Variants in CYP2C19 observed in about 807,000 individuals in gnomAD.
The protein encoded by CYP2C19 is cytochrome P450 2C19.
A neutral mutation model predicts 40.9 loss-of-function variants in CYP2C19; 59 were observed. The observed-to-expected ratio is 1.44, with a 90% CI of 1.17 to 1.79. The LOEUF (loss-of-function observed/expected upper bound fraction) is 1.79. CYP2C19 is among the 40% of genes most tolerant of loss of function. The probability of loss-of-function intolerance (pLI) is 0.00; values close to 1 mark genes in which losing one functional copy is unlikely to be tolerated. For missense variants in CYP2C19, 754 were observed against 596.9 expected, an observed-to-expected ratio of 1.26 and a Z score of -2.74; for synonymous variants, 253 against 208.7, an observed-to-expected ratio of 1.21 and a Z score of -1.83.
intron 6 of CYP2C19, among the ~76,000 whole-genome samples, chr10:94,824,216 T>C (rs1332127294): frequency 6.6e-6 from 1 of 152,188 alleles, no homozygotes; most frequent in Non-Finnish European, 1.5e-5. Flanking sequence ...ATCATAAAAA[T>C]TGTCATCTAA....
At chr10:94,852,287 GA>G (rs1475065458) in intron 8 of CYP2C19, among the ~76,000 whole-genome samples, 1 of 152,088 alleles carries the variant, frequency 6.6e-6, no homozygotes, top group Non-Finnish European at 1.5e-5. Context: ...TACTTAGCGG[GA>G]AAAAAATCTT....
chr10:94,818,833 C>T (rs1192006299), intron 5 of CYP2C19, among the ~76,000 whole-genome samples: 1 of 151,654 alleles, frequency 6.6e-6, no homozygotes, highest in Non-Finnish European at 1.5e-5. Flanking sequence ...ATGTCGTCTG[C>T]AAACAGGGAC....
At chr10:94,835,636 G>T (rs949700534) in intron 6 of CYP2C19, among the ~76,000 whole-genome samples, 5 of 151,716 alleles carry the variant, frequency 3.3e-5, no homozygotes, top group Non-Finnish European at 5.9e-5. Flanking sequence ...ACCTCTTTAG[G>T]TTTCTGTACA....
intron 6 of CYP2C19, among the ~76,000 whole-genome samples, chr10:94,837,927 T>C (rs1303373262): frequency 6.6e-6 from 1 of 152,198 alleles, no homozygotes; most frequent in Non-Finnish European, 1.5e-5. Flanking sequence ...AGCTTACTTC[T>C]ACTTGGACAA....
At chr10:94,805,870 A>C (rs1300114642) in intron 5 of CYP2C19, among the ~76,000 whole-genome samples, 1 of 152,206 alleles carries the variant, frequency 6.6e-6, no homozygotes, top group Non-Finnish European at 1.5e-5. Flanking sequence ...GGTCTTTGTC[A>C]GTCTTATGTG....
chr10:94,796,924 A>G (rs1848697189), intron 5 of CYP2C19, among the ~76,000 whole-genome samples: 1 of 152,146 alleles, frequency 6.6e-6, no homozygotes, highest in African/African-American at 2.4e-5. Flanking sequence ...TTACACAATC[A>G]TGTCATCTGC....
intron 7 of CYP2C19, among the ~76,000 whole-genome samples, chr10:94,847,022 C>T (rs1008413739): frequency 1.3e-5 from 2 of 151,994 alleles, no homozygotes; most frequent in African/African-American, 2.4e-5. Flanking sequence ...TGAATAGACA[C>T]TCTGGCCATT....
intron 5 of CYP2C19, 29 bp from the exon 6 acceptor site, chr10:94,820,467 G>A: frequency 3.1e-6 from 5 of 1,612,678 alleles, no homozygotes; most frequent in Non-Finnish European, 4.2e-6. Context: ...TAAATAATTT[G>A]TCAGATAATT....
chr10:94,787,577 G>C (rs1848559049), intron 5 of CYP2C19, among the ~76,000 whole-genome samples: 1 of 152,022 alleles, frequency 6.6e-6, no homozygotes. Flanking sequence ...GCAAAAGCCT[G>C]TATCCAGAAT....
chr10:94,813,169 C>A (rs559021832), intron 5 of CYP2C19, among the ~76,000 whole-genome samples: 2 of 152,172 alleles, frequency 1.3e-5, no homozygotes, highest in South Asian at 2.1e-4. Flanking sequence ...CCACTCCAAA[C>A]CTTGTTTGAC....
Position 94,852,986 on chromosome 10 carries a change from T to A in CYP2C19, c.*72T>A, listed in dbSNP as rs940942188. On this transcript the variant is annotated 3_prime_UTR_variant, in exon 9 of 9. Transcript: ENST00000371321. ...CTTTCCTCTGGTCCAAATTTCACTA[T>A]CTGTGATGCTTCTTCTGACCCGTCA... The A allele has an allele frequency of 8.1e-5, 120 of 1,477,972 alleles. No homozygotes were observed. Among genetic ancestry groups the A allele is most frequent in the Non-Finnish European group, 1.0e-4 (112 of 1,067,642 alleles). The allele number at this position is 1,477,972 out of a possible 1,614,324, so 91.6% of individuals were successfully genotyped here. A position where few individuals can be genotyped will look rare whatever the true frequency, so the allele number is the denominator to read the frequency against.
chr10:94,836,858 T>A lies in CYP2C19; in HGVS notation c.962-5979T>A, dbSNP rs143690225. 2.7e-3 allele frequency among the ~76,000 whole-genome samples: 416 copies of A among 152,292 alleles called. 3 individuals carry two copies. The highest frequency in any genetic ancestry group is 9.8e-3 in the African/African-American group (407 of 41,554). ...TGAACAGGCAGCTAAAAGTAAATCA[T>A]CCACGTACTGAAGGACAAGAGTGTC... On this transcript the variant is annotated intron_variant, in intron 6 of 8. Transcript: ENST00000371321.
intron 5 of CYP2C19, among the ~76,000 whole-genome samples, chr10:94,809,915 C>G (rs994613571): frequency 3.3e-5 from 5 of 151,810 alleles, no homozygotes; most frequent in African/African-American, 1.2e-4. Context: ...AGAGTCTTGC[C>G]CTGTCACCCA....
intron 5 of CYP2C19, among the ~76,000 whole-genome samples, chr10:94,798,747 C>T (rs1039064278): frequency 9.3e-5 from 14 of 150,572 alleles, no homozygotes; most frequent in Admixed American, 9.3e-4. Flanking sequence ...TATGTAATGG[C>T]CTTTGTCTGT....
In CYP2C19 at chr10:94,783,500, A is replaced by C. The variant is rs149235482; in HGVS notation, c.819+1503A>C. On this transcript the variant is annotated intron_variant, in intron 5 of 8. Coordinates refer to ENST00000371321, the MANE Select transcript of CYP2C19 (RefSeq NM_000769.4). ...ATTTGGTATCTATCAGATACCGTGT[A>C]AACATCACCTCTTTTGTCATTGCAC... Among the ~76,000 whole-genome samples, 473 of 152,266 alleles carry C rather than the reference A, an allele frequency of 3.1e-3. 3 individuals are homozygous for C. The highest frequency in any genetic ancestry group is 0.011 in the African/African-American group (450 of 41,576).
intron 5 of CYP2C19, among the ~76,000 whole-genome samples, chr10:94,797,679 A>G (rs972110403): frequency 3.3e-5 from 5 of 151,842 alleles, no homozygotes; most frequent in African/African-American, 4.8e-5. Context: ...CCTGTTATTA[A>G]TCTATTCAGA....
chr10:94,837,117 A>T (rs1462453187), intron 6 of CYP2C19, among the ~76,000 whole-genome samples: 2 of 152,194 alleles, frequency 1.3e-5, no homozygotes, highest in Non-Finnish European at 2.9e-5. Flanking sequence ...AGCAGAGTAT[A>T]AGGGCTGGGT....
In CYP2C19 at chr10:94,766,022, C is replaced by T. The variant is rs572110881; in HGVS notation, c.168+3149C>T. Among the ~76,000 whole-genome samples, 296 of 152,156 alleles carry T rather than the reference C, an allele frequency of 1.9e-3. 2 individuals carry two copies. The highest frequency in any genetic ancestry group is 2.9e-3 in the Non-Finnish European group (200 of 68,004). ...GTAAGAATGTAAAAGTTGGATTGCACGTCCTGTTAGGGTATTCTTGGTCCT... is the reference window on the plus strand; with the variant it reads ...GTAAGAATGTAAAAGTTGGATTGCATGTCCTGTTAGGGTATTCTTGGTCCT... On this transcript the variant is annotated intron_variant, in intron 1 of 8. Coordinates refer to ENST00000371321, the MANE Select transcript of CYP2C19 (RefSeq NM_000769.4).
At chr10:94,835,055 G>A (rs1436049725) in intron 6 of CYP2C19, among the ~76,000 whole-genome samples, 1 of 152,150 alleles carries the variant, frequency 6.6e-6, no homozygotes, top group Non-Finnish European at 1.5e-5. Flanking sequence ...GAGCTAGCAG[G>A]CTGGTCCAAG....
Sources: allele counts gnomAD v4.1 joint callset (sites outside exome capture counted in the v4.1 genomes callset), GRCh38; gene constraint gnomAD v4.1.1; transcripts MANE v1.5; gene names NCBI Gene and HGNC (gene_info 2026-07-23, HGNC 2026-07-21).